AEBP2: variants seen among roughly 807,000 people sequenced by gnomAD.
The protein encoded by AEBP2 is zinc finger protein AEBP2.
AEBP2 carries 10 observed loss-of-function variants against 50.8 expected under a neutral mutation model. The ratio of observed to expected loss-of-function variants is 0.20; its 90% confidence interval spans 0.12 to 0.33. The LOEUF is 0.33. Ranked by LOEUF, AEBP2 falls within the 10% of genes least tolerant of loss-of-function variation. The pLI, the probability that AEBP2 is intolerant of heterozygous loss-of-function variation, is 1.00. For synonymous variants in AEBP2, 296 were observed against 261.3 expected (o/e 1.13, Z -1.28); for missense variants, 570 against 688.0 (o/e 0.83, Z 1.92).
intron 1 of AEBP2, among the ~76,000 whole-genome samples, chr12:19,416,949 G>T (rs1320865221): frequency 6.6e-6 from 1 of 151,270 alleles, no homozygotes; most frequent in Non-Finnish European, 1.5e-5. Flanking sequence ...TTGGCTCCCT[G>T]CAACCTCCAC....
intron 1 of AEBP2, among the ~76,000 whole-genome samples, chr12:19,453,364 C>T (rs2153368472): frequency 6.6e-6 from 1 of 152,146 alleles, no homozygotes; most frequent in Non-Finnish European, 1.5e-5. Flanking sequence ...GCAGTCCTCT[C>T]ACCTTGGCCT....
chr12:19,451,458 C>T (rs1196388989), intron 1 of AEBP2, among the ~76,000 whole-genome samples: 2 of 152,194 alleles, frequency 1.3e-5, no homozygotes, highest in East Asian at 3.9e-4. Flanking sequence ...TCAAGGGAGC[C>T]AGATTTCTTA....
At chr12:19,512,182 C>T (rs1470510985) in intron 5 of AEBP2, among the ~76,000 whole-genome samples, 3 of 152,084 alleles carry the variant, frequency 2.0e-5, no homozygotes, top group Non-Finnish European at 2.9e-5. Flanking sequence ...CCACCACTCC[C>T]GGCTAATTTT....
At chr12:19,407,878 G>A (rs1271259274) in intron 1 of AEBP2, among the ~76,000 whole-genome samples, 1 of 151,962 alleles carries the variant, frequency 6.6e-6, no homozygotes, top group African/African-American at 2.4e-5. Flanking sequence ...GAGAAACTCC[G>A]TCTCTACTGA....
At chr12:19,449,290 GTA>G in intron 1 of AEBP2, among the ~76,000 whole-genome samples, 1 of 151,990 alleles carries the variant, frequency 6.6e-6, no homozygotes, top group East Asian at 1.9e-4. Context: ...CCATCTTTGT[GTA>G]TATACATTTC....
At chr12:19,507,567 G>A (rs964661695) in intron 5 of AEBP2, among the ~76,000 whole-genome samples, 2 of 152,164 alleles carry the variant, frequency 1.3e-5, no homozygotes, top group South Asian at 2.1e-4. Flanking sequence ...TAAAAACCTA[G>A]GAATGAGTGA....
chr12:19,432,204 T>C (rs1025987634), intron 1 of AEBP2, among the ~76,000 whole-genome samples: 1 of 152,160 alleles, frequency 6.6e-6, no homozygotes, highest in Non-Finnish European at 1.5e-5. Context: ...TAGCTGTTAC[T>C]CAAATCTGTC....
At chr12:19,496,939 G>T (rs11044620) in intron 4 of AEBP2, among the ~76,000 whole-genome samples, 3,246 of 151,558 alleles carry the variant, frequency 0.021, 41 homozygotes, top group East Asian at 0.042. Flanking sequence ...GGGCTGGGAT[G>T]ACAGGTGTGA....
In AEBP2 at chr12:19,432,695, A is replaced by G. The variant is rs920048670; in HGVS notation, c.-17+28479A>G. Among the ~76,000 whole-genome samples the G allele has an allele frequency of 4.6e-5, 7 of 152,230 alleles. No homozygotes were observed. In the East Asian group the frequency reaches 1.4e-3, roughly 29 times the overall value. On this transcript the variant is annotated intron_variant, in intron 1 of 3. Coordinates refer to the AEBP2 transcript ENST00000538425. ...GGCAACAGAGCAAGACCCTGTCTCA[A>G]GAAAACCCAGAAGACAAAGTAAACA...
At chr12:19,409,285 T>G (rs919261992) in intron 1 of AEBP2, among the ~76,000 whole-genome samples, 4 of 151,858 alleles carry the variant, frequency 2.6e-5, no homozygotes, top group Non-Finnish European at 4.4e-5. Context: ...ATATTAGGCA[T>G]AACTATTCCC....
At chr12:19,408,442 G>A (rs1466721671) in intron 1 of AEBP2, among the ~76,000 whole-genome samples, 1 of 151,472 alleles carries the variant, frequency 6.6e-6, no homozygotes, top group Non-Finnish European at 1.5e-5. Context: ...ATAGTTACTT[G>A]GGAGGCTGAG....
At chr12:19,441,711 G>A (rs566431076) in intron 1 of AEBP2, among the ~76,000 whole-genome samples, 3 of 152,302 alleles carry the variant, frequency 2.0e-5, no homozygotes, top group Admixed American at 2.0e-4. Context: ...TAGAAAAATT[G>A]TGTTGAACTG....
intron 3 of AEBP2, among the ~76,000 whole-genome samples, chr12:19,491,117 G>T (rs1314551475): frequency 6.6e-6 from 1 of 152,212 alleles, no homozygotes; most frequent in Non-Finnish European, 1.5e-5. Context: ...CAGTGGACCA[G>T]GTAGTTCTGT....
chr12:19,478,299 CTT>C (rs1379676097), intron 3 of AEBP2, among the ~76,000 whole-genome samples: 1 of 151,952 alleles, frequency 6.6e-6, no homozygotes, highest in African/African-American at 2.4e-5. Flanking sequence ...ACCTTTCAGA[CTT>C]TTCTTTTTTT....
Position 19,500,150 on chromosome 12 carries a change from G to T in AEBP2, c.1228G>T (p.Ala410Ser). 1 of 1,605,444 alleles carries T rather than the reference G, an allele frequency of 6.2e-7. No homozygotes were observed. The highest frequency in any genetic ancestry group is 8.5e-7 in the Non-Finnish European group (1 of 1,175,806). ...AACACTGGATGCGATAAGACATCGA[G>T]CCATATGCTTTAACCTCTCAGCTCA... The part of the protein sequence containing the change: ...AQTLDAIRHR[A>S]ICFNLSAHIE... The change falls in exon 5 of 8, where the codon GCC (alanine) becomes TCC (serine). Residue 410 changes from alanine (A) to serine (S), a missense_variant. Physicochemically the swap from Ala to Ser is moderately conservative, Grantham distance 99. Coordinates refer to ENST00000266508, the MANE Select transcript of AEBP2 (RefSeq NM_153207.5).
chr12:19,512,803 C>T (rs1035668654), intron 6 of AEBP2, among the ~76,000 whole-genome samples: 3 of 151,886 alleles, frequency 2.0e-5, no homozygotes, highest in Non-Finnish European at 2.9e-5. Context: ...CAAAAATTAG[C>T]CGGGTGTGGT....
At chr12:19,467,275 G>A (rs1948493679) in intron 2 of AEBP2, among the ~76,000 whole-genome samples, 1 of 151,798 alleles carries the variant, frequency 6.6e-6, no homozygotes, top group Non-Finnish European at 1.5e-5. Context: ...AACAAAACAG[G>A]CAAAGAGAGA....
At chr12:19,434,679 C>G (rs188801941), upstream of AEBP2, among the ~76,000 whole-genome samples, 1 of 152,308 alleles carries the variant, frequency 6.6e-6, no homozygotes, top group East Asian at 1.9e-4. Context: ...AACTGTCACA[C>G]AGAGGTTCTG....
intron 4 of AEBP2, among the ~76,000 whole-genome samples, chr12:19,498,272 GTAT>G (rs907921254): frequency 2.0e-5 from 3 of 152,170 alleles, no homozygotes; most frequent in African/African-American, 7.2e-5. Flanking sequence ...GGAAAGTGAT[GTAT>G]TTCTCAGAAC....
Sources: gnomAD v4.1 joint callset for allele counts (sites outside exome capture counted in the v4.1 genomes callset) on GRCh38, gnomAD v4.1.1 for gene constraint, MANE v1.5 for transcripts, NCBI Gene and HGNC (gene_info 2026-07-23, HGNC 2026-07-21) for gene names.